The following RTEL1 variants were observed in gnomAD, a reference collection of about 807,000 sequenced individuals.
The protein encoded by RTEL1 is regulator of telomere elongation helicase 1.
In RTEL1, 86 loss-of-function variants were observed where a neutral mutation model predicts 162.2. The ratio of observed to expected loss-of-function variants is 0.53; its 90% CI spans 0.45 to 0.63. The LOEUF (loss-of-function observed/expected upper bound fraction) is 0.63, where lower values mean the gene tolerates loss of function less well. Among genes scored for constraint, RTEL1 ranks in the 30% least tolerant of loss-of-function variants. The pLI is 0.00. For synonymous variants in RTEL1, 958 were observed against 717.9 expected (o/e 1.33, Z -5.35); for missense variants, 1,941 against 1,750.2 (o/e 1.11, Z -1.95).
chr20:63,666,989 G>T lies in RTEL1; in HGVS notation c.615-480G>T, dbSNP rs182380349. Among the ~76,000 whole-genome samples the T allele has an allele frequency of 5.9e-5, 9 of 151,990 alleles. No individual in the cohort carries two copies. In the South Asian group the frequency reaches 1.9e-3, roughly 32 times the overall value. ...CGAGTAGCTGGGACTACAGGTGCCC[G>T]CCACCACGTCTGGCTAATTTTCTGT... On this transcript the variant is annotated intron_variant, in intron 7 of 34. Transcript: ENST00000360203.
chr20:63,669,653 G>A (rs1368185132), intron 8 of RTEL1, among the ~76,000 whole-genome samples: 3 of 152,024 alleles, frequency 2.0e-5, no homozygotes, highest in African/African-American at 7.3e-5. Flanking sequence ...CACCAAGATG[G>A]GTGGAATGGC....
At chr20:63,673,186 G>T in intron 9 of RTEL1, among the ~76,000 whole-genome samples, 1 of 152,020 alleles carries the variant, frequency 6.6e-6, no homozygotes, top group East Asian at 2.0e-4. Flanking sequence ...GAGGTCAAGA[G>T]ATCAAGACCA....
chr20:63,694,609 T>A, intron 31 of RTEL1, 121 bp downstream of exon 31: 1 of 1,207,088 alleles, frequency 8.3e-7, no homozygotes, highest in Non-Finnish European at 1.2e-6. Context: ...TGGTGGGGAC[T>A]GCTCCCGGTT....
rs1359447683 is a variant in RTEL1 at position 63,661,724 on chromosome 20, A to G, written c.302-126A>G. On this transcript the variant is annotated intron_variant, in intron 3 of 34. Coordinates refer to ENST00000360203, the MANE Select transcript of RTEL1 (RefSeq NM_001283009.2). The surrounding 1 kb of genome is among the most constrained non-coding windows in gnomAD (Gnocchi z 5.1). ...TGCCCACTTCACCCATTTTTGATAA[A>G]CCAGTATCTGGGGTGTCAGATTCTT... is the stretch of plus-strand genomic sequence containing the variant. The G allele has an allele frequency of 4.2e-6, 4 of 946,150 alleles. No homozygotes were observed. The highest frequency in any genetic ancestry group is 2.1e-4 in the Middle Eastern group (1 of 4,688). The allele number at this position is 946,150 out of a possible 1,614,324, so 58.6% of individuals were successfully genotyped here.
intron 10 of RTEL1, among the ~76,000 whole-genome samples, chr20:63,677,191 T>C (rs1386521692): frequency 6.6e-6 from 1 of 152,228 alleles, no homozygotes; most frequent in East Asian, 1.9e-4. Flanking sequence ...TTTCTTTTCC[T>C]GCAAGACGGT....
At chr20:63,690,626 C>G (rs560282436) in intron 26 of RTEL1, among the ~76,000 whole-genome samples, 179 bp from the exon 27 acceptor site, 1 of 152,240 alleles carries the variant, frequency 6.6e-6, no homozygotes, top group East Asian at 1.9e-4. Flanking sequence ...CCCCTACAGG[C>G]AGAGAACGCC....
chr20:63,688,780 C>G (rs2090655135), intron 21 of RTEL1, 175 bp downstream of exon 21: 1 of 652,910 alleles, frequency 1.5e-6, no homozygotes. Flanking sequence ...TCTTACAAAG[C>G]CCCCAGCACC....
Position 63,694,430 on chromosome 20 carries a change from C to T in RTEL1, c.3051C>T (p.Asp1017=), listed in dbSNP as rs748756306. 12 of 1,612,202 alleles carry T rather than the reference C, an allele frequency of 7.4e-6. No homozygotes were observed. The Admixed American group carries it at 8.3e-5, about 11-fold the overall frequency. Residue 1017 remains aspartate, a synonymous_variant, in exon 31 of 35, where the codon GAC becomes GAT. Coordinates refer to ENST00000360203, the MANE Select transcript of RTEL1 (RefSeq NM_001283009.2). ...CCACGGCTGCAGCCCAGCAGCTGGA[C>T]CCCCAAGAGCACCTGAACCAGGGCA... ...TVSTAAAQQL[D]PQEHLNQGRP...
Position 63,675,162 on chromosome 20 carries a change from C to T in RTEL1, c.919+1069C>T, listed in dbSNP as rs1042117200. Among the ~76,000 whole-genome samples the T allele has an allele frequency of 2.6e-5, 4 of 152,248 alleles. No individual in the cohort carries two copies. In the South Asian group the frequency reaches 6.2e-4, roughly 24 times the overall value. ...TCACGTGATCCACCCGCTTCGGCCT[C>T]CCAAAGTGCTGGGATTACAGGCGTG... On this transcript the variant is annotated intron_variant, in intron 10 of 34. Coordinates refer to ENST00000360203, the MANE Select transcript of RTEL1 (RefSeq NM_001283009.2).
In RTEL1 at chr20:63,667,223, A is replaced by G. The variant is rs2090154044; in HGVS notation, c.615-246A>G. Among the ~76,000 whole-genome samples the G allele has an allele frequency of 2.0e-5, 3 of 152,186 alleles. No individual in the cohort carries two copies. The South Asian group carries it at 6.2e-4, about 32-fold the overall frequency. ...GGTTTTACTTTTCCATCGAGTTTTT[A>G]AAGAGACGACGATTTACATGGTCGG... On this transcript the variant is annotated intron_variant, in intron 7 of 34. Coordinates refer to ENST00000360203, the MANE Select transcript of RTEL1 (RefSeq NM_001283009.2).
At chr20:63,684,399 G>A (rs2090545576) in intron 14 of RTEL1, among the ~76,000 whole-genome samples, 1 of 152,170 alleles carries the variant, frequency 6.6e-6, no homozygotes, top group Non-Finnish European at 1.5e-5. Context: ...TGTTGCCCAG[G>A]CTGGAGTGCA....
rs1601184222 is a variant in RTEL1, at chr20:63,693,163, C to T, written c.2872C>T (p.Pro958Ser). The T allele has an allele frequency of 6.2e-7, 1 of 1,612,202 alleles. No homozygotes were observed. Among genetic ancestry groups the T allele is most frequent in the Non-Finnish European group, 8.5e-7 (1 of 1,179,562 alleles). ...TACAGGCTTCTACCAGTTTGTGCGGCCCCACCATAAGCAGCAGTTTGAGGA... is the reference window on the plus strand; with the variant it reads ...TACAGGCTTCTACCAGTTTGTGCGGTCCCACCATAAGCAGCAGTTTGAGGA... ...LLQGFYQFVR[P>S]HHKQQFEEVC... Residue 958 changes from proline to serine, a missense_variant, in exon 30 of 35, where the codon CCC (proline) becomes TCC (serine). By Grantham distance (74) the Pro-to-Ser change is moderately conservative. Coordinates refer to ENST00000360203, the MANE Select transcript of RTEL1 (RefSeq NM_001283009.2).
intron 24 of RTEL1, 74 bp downstream of exon 24, chr20:63,689,939 C>A (rs887404831): frequency 2.6e-5 from 40 of 1,555,304 alleles, no homozygotes; most frequent in Non-Finnish European, 2.4e-5. Context: ...GACTCTCCTT[C>A]CCCACATGAG....
At position 63,668,754 on chromosome 20, in the gene RTEL1, C is replaced by T. The variant is rs2090190375; in HGVS notation, c.699+1201C>T. Among the ~76,000 whole-genome samples the T allele has an allele frequency of 6.6e-6, 1 of 152,208 alleles. No individual in the cohort carries two copies. ...GAGCTTCTAACCCAACCAGGCCCCT[C>T]CCTGGGACAGTTATATCACAGCTGG... is the stretch of plus-strand genomic sequence containing the variant. On this transcript the variant is annotated intron_variant, in intron 8 of 34. Transcript: ENST00000360203. This position sits in a 1 kb window ranked among gnomAD's most constrained non-coding sequence, Gnocchi z 4.3.
At chr20:63,676,357 T>G (rs541622996) in intron 10 of RTEL1, among the ~76,000 whole-genome samples, 1 of 152,192 alleles carries the variant, frequency 6.6e-6, no homozygotes, top group Non-Finnish European at 1.5e-5. Flanking sequence ...CCCGGTTTAC[T>G]CTGAACTTAG....
At chr20:63,659,207 A>G (rs2089969702) in intron 1 of RTEL1, 26 bp from the exon 2 acceptor site, 2 of 600,684 alleles carry the variant, frequency 3.3e-6, no homozygotes, top group Non-Finnish European at 6.1e-6. Context: ...GGCTGTCTAC[A>G]AACAGAGTCT....
At chr20:63,666,856 T>C (rs1463285124) in intron 7 of RTEL1, among the ~76,000 whole-genome samples, 33 of 139,444 alleles carry the variant, frequency 2.4e-4, no homozygotes, top group Non-Finnish European at 3.9e-4. Flanking sequence ...TTTTTTTTTT[T>C]TGAGACGGAG....
chr20:63,686,837 G>C, intron 16 of RTEL1: 1 of 164,894 alleles, frequency 6.1e-6, no homozygotes, highest in Non-Finnish European at 1.3e-5. Context: ...GAGGCAGCCG[G>C]TGCACAGATT....
chr20:63,678,373 A>G, intron 12 of RTEL1, 27 bp downstream of exon 12: 1 of 1,593,704 alleles, frequency 6.3e-7, no homozygotes, highest in Non-Finnish European at 8.5e-7. Context: ...CAGCCCCTTC[A>G]CTGCAGGCCC....
Sources: gnomAD v4.1 joint callset for allele counts (sites outside exome capture counted in the v4.1 genomes callset) on GRCh38, gnomAD v4.1.1 for gene constraint, Gnocchi (gnomAD v3.1) non-coding constraint, MANE v1.5 for transcripts, NCBI Gene and HGNC (gene_info 2026-07-23, HGNC 2026-07-21) for gene names.